LINGO2: variants seen among roughly 807,000 people sequenced by gnomAD.
The protein encoded by LINGO2 is leucine rich repeat and Ig domain containing 2.
Under a neutral mutation model 30.6 loss-of-function variants are expected in LINGO2, and 14 were observed. That is an observed-to-expected ratio of 0.46 (90% CI 0.30 to 0.72). The LOEUF is 0.72. LINGO2 is among the 30% of genes least tolerant of loss of function. The pLI, the probability that LINGO2 is intolerant of heterozygous loss-of-function variation, is 0.07. For missense variants in LINGO2, 729 were observed against 751.7 expected, an observed-to-expected ratio of 0.97 and a Z score of 0.35; for synonymous variants, 317 against 288.5, an observed-to-expected ratio of 1.10 and a Z score of -1.00.
intron 2 of LINGO2, among the ~76,000 whole-genome samples, chr9:28,423,681 A>T (rs1043615712): frequency 2.0e-5 from 3 of 152,050 alleles, no homozygotes; most frequent in Non-Finnish European, 4.4e-5. Context: ...TGTGAAGAAA[A>T]CTGAATTTAC....
chr9:28,699,583 G>A, the LINGO2 span, among the ~76,000 whole-genome samples: 1 of 151,998 alleles, frequency 6.6e-6, no homozygotes, highest in Admixed American at 6.6e-5. Flanking sequence ...CAGGGAACAA[G>A]GGAAGACAAC....
At chr9:28,419,805 T>C (rs1026126759) in intron 2 of LINGO2, among the ~76,000 whole-genome samples, 1 of 120,942 alleles carries the variant, frequency 8.3e-6, no homozygotes, top group African/African-American at 2.8e-5. Flanking sequence ...AAGTTATGTA[T>C]AATTTTATCG....
At chr9:28,685,951 GA>G in the LINGO2 span, among the ~76,000 whole-genome samples, 1 of 150,404 alleles carries the variant, frequency 6.6e-6, no homozygotes. Context: ...GTGGGTGCAT[GA>G]TTTCTTTTAT....
chr9:27,996,688 C>T (rs1359994296), intron 5 of LINGO2, among the ~76,000 whole-genome samples: 2 of 151,960 alleles, frequency 1.3e-5, no homozygotes. Flanking sequence ...TTCTAGTGTC[C>T]AATAGCACAA....
At chr9:28,044,413 G>A (rs565324876) in intron 4 of LINGO2, among the ~76,000 whole-genome samples, 3 of 152,172 alleles carry the variant, frequency 2.0e-5, no homozygotes, top group Admixed American at 6.5e-5. Context: ...AGGAGACAGT[G>A]GGGGCTGCCC....
At chr9:28,477,880 T>C (rs1429333411) in intron 1 of LINGO2, among the ~76,000 whole-genome samples, 2 of 152,200 alleles carry the variant, frequency 1.3e-5, no homozygotes, top group Non-Finnish European at 2.9e-5. Context: ...ATGAGCTGGC[T>C]GCAGCCGATC....
the LINGO2 span, among the ~76,000 whole-genome samples, chr9:29,086,891 A>ATTT: frequency 2.2e-5 from 3 of 135,964 alleles, no homozygotes; most frequent in Admixed American, 1.5e-4. Context: ...AAGAGCAGTG[A>ATTT]TTTTTTTTTT....
intron 5 of LINGO2, among the ~76,000 whole-genome samples, chr9:27,963,738 T>TA (rs200590304): frequency 0.11 from 13,674 of 120,692 alleles, 1,269 homozygotes; most frequent in East Asian, 0.27. Context: ...GAGGTAAGGG[T>TA]AAAAAAAAAA....
chr9:28,125,991 A>G (rs556436938), intron 4 of LINGO2, among the ~76,000 whole-genome samples: 1 of 152,258 alleles, frequency 6.6e-6, no homozygotes, highest in African/African-American at 2.4e-5. Flanking sequence ...TCAAATTCAA[A>G]TCATTCAAAT....
At chr9:28,899,916 T>C in the LINGO2 span, among the ~76,000 whole-genome samples, 1 of 152,160 alleles carries the variant, frequency 6.6e-6, no homozygotes, top group African/African-American at 2.4e-5. Flanking sequence ...TCCAGGCCCA[T>C]CCCAATTAAC....
the LINGO2 span, among the ~76,000 whole-genome samples, chr9:28,898,362 A>G: frequency 0.85 from 129,478 of 152,044 alleles, 55,310 homozygotes; most frequent in Non-Finnish European, 0.89. Flanking sequence ...CAGAAAAAAG[A>G]ATAAATAGCA....
At chr9:28,018,784 A>T (rs1275535101) in intron 4 of LINGO2, among the ~76,000 whole-genome samples, 2 of 152,172 alleles carry the variant, frequency 1.3e-5, no homozygotes, top group African/African-American at 4.8e-5. Context: ...CAGTGTGGTG[A>T]TTTCTCAAGG....
At chr9:28,570,960 G>T (rs1291595206) in intron 1 of LINGO2, among the ~76,000 whole-genome samples, 2 of 150,470 alleles carry the variant, frequency 1.3e-5, no homozygotes, top group African/African-American at 4.9e-5. Context: ...AACTTCTACT[G>T]ATATTCAACT....
intron 1 of LINGO2, among the ~76,000 whole-genome samples, chr9:28,569,315 T>C (rs1823554634): frequency 6.6e-6 from 1 of 151,910 alleles, no homozygotes; most frequent in South Asian, 2.1e-4. Context: ...GAAATCAGTA[T>C]CTTGAAGAGA....
chr9:28,142,045 C>T (rs901841496), intron 4 of LINGO2, among the ~76,000 whole-genome samples: 3 of 152,136 alleles, frequency 2.0e-5, no homozygotes, highest in African/African-American at 7.2e-5. Context: ...AGTAGAATTT[C>T]ATTGATGGAT....
At chr9:29,025,599 G>T in the LINGO2 span, among the ~76,000 whole-genome samples, 1 of 152,022 alleles carries the variant, frequency 6.6e-6, no homozygotes, top group Non-Finnish European at 1.5e-5. Context: ...ATGATGTTTT[G>T]AAGTGAAATG....
chr9:28,819,404 C>T, the LINGO2 span, among the ~76,000 whole-genome samples: 1 of 152,128 alleles, frequency 6.6e-6, no homozygotes, highest in Admixed American at 6.5e-5. Context: ...CATCCACAAG[C>T]ATTTATAAAA....
At chr9:28,288,484 T>C (rs1322525364) in intron 4 of LINGO2, among the ~76,000 whole-genome samples, 2 of 152,170 alleles carry the variant, frequency 1.3e-5, no homozygotes, top group Admixed American at 1.3e-4. Context: ...AATATGTCAT[T>C]AAAGCTCTCA....
the LINGO2 span, among the ~76,000 whole-genome samples, chr9:29,005,466 T>A: frequency 1.3e-5 from 2 of 152,056 alleles, no homozygotes; most frequent in Admixed American, 1.3e-4. Flanking sequence ...TTATACAAAG[T>A]GGTGCGGTAT....
Sources: gnomAD v4.1 joint callset for allele counts (sites outside exome capture counted in the v4.1 genomes callset) on GRCh38, gnomAD v4.1.1 for gene constraint, MANE v1.5 for transcripts, NCBI Gene and HGNC (gene_info 2026-07-23, HGNC 2026-07-21) for gene names.